C2orf69: variants seen among roughly 807,000 people sequenced by gnomAD.
C2orf69 encodes chromosome 2 open reading frame 69, also known as mitochondrial protein C2orf69.
A neutral mutation model predicts 29.5 loss-of-function variants in C2orf69; 19 were observed. That is an observed-to-expected ratio of 0.65 (90% CI 0.45 to 0.95). C2orf69 has a LOEUF of 0.95. C2orf69 is among the 40% of genes least tolerant of loss of function. The pLI is 0.00. For synonymous variants in C2orf69, 194 were observed against 180.0 expected (o/e 1.08, Z -0.62); for missense variants, 416 against 482.1 (o/e 0.86, Z 1.28).
chr2:199,925,341 A>T lies in C2orf69; in HGVS notation c.613A>T (p.Lys205Ter). Reference sequence around the variant, plus strand: ...TTTAAGTCAGAATAGTTTATCAAAGAAAAGTTTGAATGTTTGGAATAAGGA... The same window carrying T: ...TTTAAGTCAGAATAGTTTATCAAAGTAAAGTTTGAATGTTTGGAATAAGGA... ...FNLSQNSLSK[K>*]SLNVWNKDSI... Residue 205 changes from lysine (K) to a stop codon, truncating the protein, a stop_gained, in exon 2 of 2, where the codon AAA becomes TAA. Transcript: ENST00000319974. LOFTEE classifies it high-confidence loss of function. This position sits in a 1 kb window ranked among gnomAD's most constrained non-coding sequence, Gnocchi z 4.9. The T allele has an allele frequency of 6.2e-7, 1 of 1,613,490 alleles. No individual in the cohort carries two copies. Among genetic ancestry groups the T allele is most frequent in the Non-Finnish European group, 8.5e-7 (1 of 1,179,698 alleles).
chr2:199,912,781 C>G (rs1320187923), intron 1 of C2orf69, among the ~76,000 whole-genome samples: 1 of 152,046 alleles, frequency 6.6e-6, no homozygotes, highest in Non-Finnish European at 1.5e-5. Context: ...GCTGGGATTA[C>G]AGGCATGCGC....
intron 1 of C2orf69, among the ~76,000 whole-genome samples, chr2:199,913,303 ATTATAATATATATTAT>A (rs2077278719): frequency 9.7e-6 from 1 of 102,932 alleles, no homozygotes; most frequent in Non-Finnish European, 1.8e-5. Flanking sequence ...TATATATTCT[ATTATAATATATATTAT>A]ATATAATATA....
In C2orf69 at chr2:199,927,650, C is replaced by T. The variant is rs759199876; in HGVS notation, c.*1764C>T. On this transcript the variant is annotated 3_prime_UTR_variant, in exon 2 of 2. Coordinates refer to ENST00000319974, the MANE Select transcript of C2orf69 (RefSeq NM_153689.6). Reference sequence around the variant, plus strand: ...CGTTTCTTTTGAGACCAAAAATTCCCATCAAGGAAATAAATCAGCCTGATT... The same window carrying T: ...CGTTTCTTTTGAGACCAAAAATTCCTATCAAGGAAATAAATCAGCCTGATT... 1 of 151,356 alleles carries T rather than the reference C, an allele frequency of 6.6e-6. No homozygotes were observed. The highest frequency in any genetic ancestry group is 1.5e-5 in the Non-Finnish European group (1 of 67,880). 9.4% of individuals were successfully genotyped at this position (151,356 alleles called of 1,614,324 possible).
rs2077342172 is a variant in C2orf69, at chr2:199,927,974, T to C, written c.*2088T>C. 6.6e-6 allele frequency: 1 copy of C among 152,198 alleles called. No individual in the cohort carries two copies. The highest frequency in any genetic ancestry group is 1.5e-5 in the Non-Finnish European group (1 of 67,970). The allele number at this position is 152,198 out of a possible 1,614,324, so 9.4% of individuals were successfully genotyped here. A position where few individuals can be genotyped will look rare whatever the true frequency, so the allele number is the denominator to read the frequency against. On this transcript the variant is annotated 3_prime_UTR_variant, in exon 2 of 2. Transcript: ENST00000319974. ...ATAATTGTTACATGTTGAATGGGTA[T>C]TAAGAGTAAGTCACCAGGTACACAA...
chr2:199,912,849 C>G (rs566284630), intron 1 of C2orf69, among the ~76,000 whole-genome samples: 18 of 152,104 alleles, frequency 1.2e-4, no homozygotes, highest in African/African-American at 4.3e-4. Flanking sequence ...CCATGTTGGA[C>G]AGGCTGGTCT....
chr2:199,920,586 C>T lies in C2orf69; in HGVS notation c.334-4476C>T, dbSNP rs2077311711. Among the ~76,000 whole-genome samples the T allele has an allele frequency of 3.3e-5, 5 of 151,990 alleles. No individual in the cohort carries two copies. In the South Asian group the frequency reaches 1.0e-3, roughly 32 times the overall value. ...AGATGAGCCCTTCGAGATGTAAGTG[C>T]CTATGATTTCATGATAATTGGATAT... On this transcript the variant is annotated intron_variant, in intron 1 of 1. Transcript: ENST00000319974.
At chr2:199,920,202 G>A (rs1361694327) in intron 1 of C2orf69, among the ~76,000 whole-genome samples, 2 of 152,170 alleles carry the variant, frequency 1.3e-5, no homozygotes, top group African/African-American at 4.8e-5. Context: ...AACAGCCTCA[G>A]TTGCAGAACC....
chr2:199,915,012 T>C (rs770012387), intron 1 of C2orf69, among the ~76,000 whole-genome samples: 3 of 152,266 alleles, frequency 2.0e-5, no homozygotes, highest in Non-Finnish European at 4.4e-5. Flanking sequence ...CGATATAATC[T>C]GCGATGCTTG....
intron 1 of C2orf69, among the ~76,000 whole-genome samples, chr2:199,920,574 G>A (rs566867528): frequency 2.0e-5 from 3 of 152,184 alleles, no homozygotes; most frequent in African/African-American, 7.2e-5. Context: ...TGAGCCCTTC[G>A]AGATGTAAGT....
intron 1 of C2orf69, among the ~76,000 whole-genome samples, chr2:199,920,142 A>T (rs1184508228): frequency 6.6e-6 from 1 of 152,166 alleles, no homozygotes; most frequent in Non-Finnish European, 1.5e-5. Flanking sequence ...CTTGAAAGAA[A>T]TCTCTCTCTT....
chr2:199,918,759 A>T (rs997537930), intron 1 of C2orf69, among the ~76,000 whole-genome samples: 2 of 152,138 alleles, frequency 1.3e-5, no homozygotes, highest in African/African-American at 4.8e-5. Flanking sequence ...CATTATCCTA[A>T]AAAGTACCTC....
chr2:199,911,872 C>T, intron 1 of C2orf69, 101 bp downstream of exon 1: 1 of 1,472,902 alleles, frequency 6.8e-7, no homozygotes, highest in Non-Finnish European at 9.1e-7. Flanking sequence ...CTTTCCTTGC[C>T]TGAACACACC....
rs2077335162 is a variant in C2orf69, at chr2:199,926,395, T to C, written c.*509T>C. On this transcript the variant is annotated 3_prime_UTR_variant, in exon 2 of 2. Coordinates refer to ENST00000319974, the MANE Select transcript of C2orf69 (RefSeq NM_153689.6). Reference sequence around the variant, plus strand: ...TTTTTGTAAACTCCTTGACTCATTCTTTCATGTGTCACCAAGTACTTTTCT... The same window carrying C: ...TTTTTGTAAACTCCTTGACTCATTCCTTCATGTGTCACCAAGTACTTTTCT... 1 of 156,204 alleles carries C rather than the reference T, an allele frequency of 6.4e-6. No homozygotes were observed. Among genetic ancestry groups the C allele is most frequent in the Non-Finnish European group, 1.4e-5 (1 of 70,286 alleles). 9.7% of individuals were successfully genotyped at this position (156,204 alleles called of 1,614,324 possible). A position where few individuals can be genotyped will look rare whatever the true frequency, so the allele number is the denominator to read the frequency against.
intron 1 of C2orf69, among the ~76,000 whole-genome samples, chr2:199,918,872 G>T (rs2077303276): frequency 6.6e-6 from 1 of 152,146 alleles, no homozygotes; most frequent in Non-Finnish European, 1.5e-5. Flanking sequence ...CATATAGTAT[G>T]TAGTCTTTTG....
At chr2:199,924,594 C>T (rs913092070) in intron 1 of C2orf69, among the ~76,000 whole-genome samples, 2 of 152,062 alleles carry the variant, frequency 1.3e-5, no homozygotes, top group African/African-American at 4.8e-5. Context: ...TGAAATTGAA[C>T]ATAGTGTTCA....
intron 1 of C2orf69, among the ~76,000 whole-genome samples, chr2:199,921,404 A>G (rs1005739320): frequency 6.6e-6 from 1 of 152,176 alleles, no homozygotes; most frequent in Non-Finnish European, 1.5e-5. Flanking sequence ...TTATCACAGG[A>G]CATGAACAGA....
intron 1 of C2orf69, among the ~76,000 whole-genome samples, chr2:199,922,031 T>TTATTTATA (rs2077318291): frequency 1.3e-5 from 1 of 78,984 alleles, no homozygotes; most frequent in Non-Finnish European, 2.3e-5. Flanking sequence ...ACTGTTATTT[T>TTATTTATA]TATATATATA....
In C2orf69 at chr2:199,911,509, C is replaced by A. The variant is rs777065957; in HGVS notation, c.71C>A (p.Ala24Asp). 7 of 1,548,968 alleles carry A rather than the reference C, an allele frequency of 4.5e-6. No homozygotes were observed. The South Asian group carries it at 4.8e-5, about 11-fold the overall frequency. The change falls in exon 1 of 2, where the codon GCC becomes GAC. Residue 24 changes from alanine to aspartate, a missense_variant. By Grantham distance (126) the Ala-to-Asp change is moderately radical. This residue lies in a region of C2orf69 where 175 missense variants were observed against 139.9 expected (regional missense o/e 1.25). Coordinates refer to ENST00000319974, the MANE Select transcript of C2orf69 (RefSeq NM_153689.6). ...CTGCCGCAGCTCGGAATCGGAAACG[C>A]CTCGTCCTGCTCTCAGGCCAGAACC... ...LLLPQLGIGN[A>D]SSCSQARTMN...
Position 199,925,016 on chromosome 2 carries a change from A to C in C2orf69, c.334-46A>C. On this transcript the variant is annotated intron_variant, in intron 1 of 1. Transcript: ENST00000319974. This position sits in a 1 kb window ranked among gnomAD's most constrained non-coding sequence, Gnocchi z 4.9. ...AAACTTATTTTGTGGAAATCATTTT[A>C]TGTAAATATGTATTTAATACTTATT... 1 of 1,144,536 alleles carries C rather than the reference A, an allele frequency of 8.7e-7. No homozygotes were observed. The highest frequency in any genetic ancestry group is 2.0e-4 in the Middle Eastern group (1 of 4,962). The allele number at this position is 1,144,536 out of a possible 1,614,324, so 70.9% of individuals were successfully genotyped here.
Sources: allele counts gnomAD v4.1 joint callset (sites outside exome capture counted in the v4.1 genomes callset), GRCh38; gene constraint gnomAD v4.1.1; regional missense constraint gnomAD v4.1.1; non-coding constraint Gnocchi (gnomAD v3.1); transcripts MANE v1.5; gene names NCBI Gene and HGNC (gene_info 2026-07-23, HGNC 2026-07-21).